NSFL1C: variants seen among roughly 807,000 people sequenced by gnomAD.
NSFL1C encodes the protein NSFL1 cofactor, also known as NSFL1 cofactor p47.
NSFL1C carries 14 observed loss-of-function variants against 43.1 expected under a neutral mutation model. The observed-to-expected ratio is 0.32, with a 90% CI of 0.21 to 0.51. NSFL1C has a LOEUF of 0.51. NSFL1C is among the 20% of genes least tolerant of loss of function. The pLI is 0.98. For synonymous variants in NSFL1C, 171 were observed against 183.5 expected (o/e 0.93, Z 0.55); for missense variants, 406 against 472.5 (o/e 0.86, Z 1.30).
At chr20:1,462,610 C>T (rs370519395) in intron 2 of NSFL1C, among the ~76,000 whole-genome samples, 2 of 152,108 alleles carry the variant, frequency 1.3e-5, no homozygotes, top group Admixed American at 1.3e-4. Context: ...CAAGCTCCGC[C>T]CCCCGGGTTC....
At chr20:1,464,112 T>G (rs1450105047) in intron 2 of NSFL1C, 3 of 472,462 alleles carry the variant, frequency 6.3e-6, no homozygotes, top group Non-Finnish European at 1.1e-5. Flanking sequence ...GTTTGTGGTT[T>G]CCCCCAGGAT....
At chr20:1,453,471 C>T (rs573957844) in intron 5 of NSFL1C, among the ~76,000 whole-genome samples, 3 of 152,188 alleles carry the variant, frequency 2.0e-5, no homozygotes, top group South Asian at 4.2e-4. Flanking sequence ...CGTGAGTGTC[C>T]GACTAAACTA....
chr20:1,444,812 G>A (rs1321288466), intron 8 of NSFL1C, among the ~76,000 whole-genome samples: 1 of 152,176 alleles, frequency 6.6e-6, no homozygotes, highest in Non-Finnish European at 1.5e-5. Context: ...ACTGGGATGG[G>A]TCACTCGCTT....
chr20:1,464,328 C>T lies in NSFL1C; in HGVS notation c.203+1G>A. The T allele has an allele frequency of 1.2e-6, 2 of 1,613,866 alleles. No individual in the cohort carries two copies. Among genetic ancestry groups the T allele is most frequent in the Non-Finnish European group, 1.7e-6 (2 of 1,179,714 alleles). ...TAGCGATAATTGAAGCTGGCCCTTA[C>T]CTGGGGGCTGTGCCTCTGGACACTG... is the stretch of plus-strand genomic sequence containing the variant. On this transcript the variant is annotated splice_donor_variant, in intron 2 of 8. Transcript: ENST00000216879. LOFTEE classifies it high-confidence loss of function.
chr20:1,460,922 A>C (rs2090396720), intron 2 of NSFL1C, among the ~76,000 whole-genome samples: 1 of 152,202 alleles, frequency 6.6e-6, no homozygotes, highest in Non-Finnish European at 1.5e-5. Flanking sequence ...TTGACCCTGC[A>C]TACAGGGGTG....
chr20:1,465,203 A>G (rs150882921), intron 1 of NSFL1C, among the ~76,000 whole-genome samples: 1 of 152,340 alleles, frequency 6.6e-6, no homozygotes, highest in Non-Finnish European at 1.5e-5. Context: ...GCACAAACAC[A>G]AGAAAGCATT....
chr20:1,456,619 C>T (rs2090307013), intron 3 of NSFL1C: 1 of 152,180 alleles, frequency 6.6e-6, no homozygotes, highest in African/African-American at 2.4e-5. Flanking sequence ...CATTCTTGTT[C>T]ATTCCAGGTA....
chr20:1,462,784 A>T (rs1285996777), intron 2 of NSFL1C, among the ~76,000 whole-genome samples: 1 of 152,114 alleles, frequency 6.6e-6, no homozygotes, highest in East Asian at 1.9e-4. Context: ...CGGCCTCCCA[A>T]AGTGCTGGGA....
intron 5 of NSFL1C, 32 bp downstream of exon 5, chr20:1,454,181 A>G (rs373933342): frequency 1.1e-5 from 17 of 1,555,804 alleles, no homozygotes; most frequent in Non-Finnish European, 1.5e-5. Flanking sequence ...ACAGTCCACA[A>G]GCTTCCCTCA....
chr20:1,464,453 A>T, intron 1 of NSFL1C, 27 bp from the exon 2 acceptor site: 1 of 1,589,286 alleles, frequency 6.3e-7, no homozygotes. Context: ...GTACCTTGGG[A>T]CCCTTAAACA....
At chr20:1,464,936 C>T (rs1312175534) in intron 1 of NSFL1C, among the ~76,000 whole-genome samples, 1 of 152,190 alleles carries the variant, frequency 6.6e-6, no homozygotes, top group African/African-American at 2.4e-5. Context: ...CTCTTAAGCG[C>T]TTCCAGTACA....
At position 1,445,801 on chromosome 20, in the gene NSFL1C, G is replaced by C; in HGVS notation, c.815C>G (p.Ser272Cys). 6.2e-7 allele frequency: 1 copy of C among 1,614,086 alleles called. No individual in the cohort carries two copies. The highest frequency in any genetic ancestry group is 2.2e-5 in the East Asian group (1 of 44,850). Reference sequence around the variant, plus strand: ...TTCATTTTCTGCCTGTTGGGCTGGAGAGCTGGTACTCAACACCTGGGGGGC... The same window carrying C: ...TTCATTTTCTGCCTGTTGGGCTGGACAGCTGGTACTCAACACCTGGGGGGC... The part of the protein sequence containing the change: ...STAPQVLSTS[S>C]PAQQAENEAK... Residue 272 changes from serine to cysteine, a missense_variant, in exon 8 of 9, where the codon TCT becomes TGT. Transcript: ENST00000216879.
chr20:1,455,668 T>A, intron 3 of NSFL1C: 1 of 779,688 alleles, frequency 1.3e-6, no homozygotes, highest in Non-Finnish European at 2.4e-6. Context: ...GTGACTCACT[T>A]TCCTTGTCTT....
At chr20:1,455,821 C>G (rs774384701) in intron 3 of NSFL1C, 2 of 765,344 alleles carry the variant, frequency 2.6e-6, no homozygotes, top group Non-Finnish European at 4.9e-6. Context: ...ACCAGGAGCT[C>G]CCCCAAGCCT....
chr20:1,466,635 C>T, intron 1 of NSFL1C, 85 bp downstream of exon 1: 2 of 1,323,210 alleles, frequency 1.5e-6, no homozygotes, highest in South Asian at 1.3e-5. Context: ...TGACTGTGCG[C>T]TTCGGCCGCC....
chr20:1,459,037 G>C (rs898032860), intron 2 of NSFL1C, among the ~76,000 whole-genome samples: 1 of 152,120 alleles, frequency 6.6e-6, no homozygotes, highest in Non-Finnish European at 1.5e-5. Flanking sequence ...CTGTCCTCAA[G>C]GAACAAGCTT....
chr20:1,458,332 A>G, intron 2 of NSFL1C, 58 bp from the exon 3 acceptor site: 1 of 1,420,176 alleles, frequency 7.0e-7, no homozygotes, highest in Admixed American at 1.7e-5. Context: ...GGTAACCCTC[A>G]TCACCAGCTG....
intron 2 of NSFL1C, among the ~76,000 whole-genome samples, chr20:1,460,556 A>G (rs568987773): frequency 6.6e-6 from 1 of 152,296 alleles, no homozygotes; most frequent in East Asian, 1.9e-4. Context: ...TCAATATTAG[A>G]ACTATCTCCC....
chr20:1,453,097 T>A lies in NSFL1C; in HGVS notation c.581A>T (p.Asp194Val). 1 of 1,613,352 alleles carries A rather than the reference T, an allele frequency of 6.2e-7. No individual in the cohort carries two copies. Among genetic ancestry groups the A allele is most frequent in the South Asian group, 1.1e-5 (1 of 91,064 alleles). ...TTGGTAGCTTCTGAGTTCTCCATTA[T>A]CCAGGCTGAATCCACTCTTCCAGAG... ...LKLWKSGFSL[D>V]NGELRSYQDP... is the part of the protein sequence containing the mutation. The change falls in exon 6 of 9, where the codon GAT becomes GTT. Residue 194 changes from aspartate (D) to valine (V), a missense_variant. By Grantham distance (152) the Asp-to-Val change is radical. Coordinates refer to ENST00000216879, the MANE Select transcript of NSFL1C (RefSeq NM_016143.5).
Sources: gnomAD v4.1 joint callset for allele counts (sites outside exome capture counted in the v4.1 genomes callset) on GRCh38, gnomAD v4.1.1 for gene constraint, MANE v1.5 for transcripts, NCBI Gene and HGNC (gene_info 2026-07-23, HGNC 2026-07-21) for gene names.